CADM1: variants seen among roughly 807,000 people sequenced by gnomAD.
CADM1 encodes the protein TSLC-1.
A neutral mutation model predicts 53.1 loss-of-function variants in CADM1; 15 were observed. The ratio of observed to expected loss-of-function variants is 0.28; its 90% CI spans 0.19 to 0.44. CADM1 has a LOEUF of 0.44. CADM1 is among the 20% of genes least tolerant of loss of function. The pLI is 1.00. For missense variants in CADM1, 434 were observed against 611.3 expected, an observed-to-expected ratio of 0.71 and a Z score of 3.06; for synonymous variants, 281 against 243.0, an observed-to-expected ratio of 1.16 and a Z score of -1.45.
chr11:115,184,435 C>A lies in CADM1; in HGVS notation c.1166-5660G>T, dbSNP rs367818284. 1.0e-3 allele frequency among the ~76,000 whole-genome samples: 153 copies of A among 152,300 alleles called. 5 individuals are homozygous for A. The South Asian group carries it at 0.022, about 22-fold the overall frequency. ...AGATTTGCTTTTCTCAGCACCAATT[C>A]AATTATAGATGCTACAAATCCTTCT... On this transcript the variant is annotated intron_variant, in intron 10 of 11. Coordinates refer to ENST00000331581, the MANE Select transcript of CADM1 (RefSeq NM_001301043.2).
intron 1 of CADM1, among the ~76,000 whole-genome samples, chr11:115,303,366 TATA>T (rs1944283997): frequency 6.6e-6 from 1 of 152,054 alleles, no homozygotes; most frequent in South Asian, 2.1e-4. Flanking sequence ...CCACAGATCA[TATA>T]ATGTGTTGAC....
intron 1 of CADM1, among the ~76,000 whole-genome samples, chr11:115,293,401 C>A (rs936717516): frequency 4.0e-4 from 61 of 152,246 alleles, no homozygotes; most frequent in African/African-American, 1.4e-3. Flanking sequence ...CCACTGCACC[C>A]CAGCCTGGGC....
intron 1 of CADM1, among the ~76,000 whole-genome samples, chr11:115,430,935 G>A (rs1948031442): frequency 6.6e-6 from 1 of 152,152 alleles, no homozygotes; most frequent in Admixed American, 6.5e-5. Context: ...GGCAGCAAAT[G>A]TTTGTTTCCG....
intron 1 of CADM1, among the ~76,000 whole-genome samples, chr11:115,350,012 C>G (rs1945684805): frequency 6.6e-6 from 1 of 152,100 alleles, no homozygotes; most frequent in Admixed American, 6.5e-5. Flanking sequence ...GCTCTTGTGG[C>G]CCAGGCTGGA....
chr11:115,203,741 A>G (rs1211885471), intron 8 of CADM1, among the ~76,000 whole-genome samples: 1 of 152,200 alleles, frequency 6.6e-6, no homozygotes, highest in Non-Finnish European at 1.5e-5. Context: ...TTTAAAAAAT[A>G]TGGGGTCAGG....
chr11:115,230,570 C>G (rs1239260837), intron 4 of CADM1, among the ~76,000 whole-genome samples: 1 of 152,150 alleles, frequency 6.6e-6, no homozygotes, highest in Non-Finnish European at 1.5e-5. Context: ...AAAAAATGGT[C>G]AAATAGGGTA....
chr11:115,402,701 CA>C (rs901594145), intron 1 of CADM1, among the ~76,000 whole-genome samples: 8 of 151,268 alleles, frequency 5.3e-5, no homozygotes, highest in African/African-American at 2.0e-4. Flanking sequence ...AGAGACATAA[CA>C]TTTTTTTTTT....
rs533838676 is a variant in CADM1, at chr11:115,231,468, G to C, written c.447C>G (p.Ile149Met). 6.2e-7 allele frequency: 1 copy of C among 1,613,936 alleles called. No homozygotes were observed. Among genetic ancestry groups the C allele is most frequent in the Admixed American group, 1.7e-5 (1 of 60,018 alleles). The part of the protein sequence containing the change: ...TVLVPPRNLM[I>M]DIQKDTAVEG... ...CCACCGCAGTGTCTTTCTGGATATC[G>C]ATCATCAGATTACGTGGTGGGACTA... The change falls in exon 4 of 12, where the codon ATC becomes ATG. Residue 149 changes from isoleucine (I) to methionine (M), a missense_variant. Physicochemically the swap from Ile to Met is conservative, Grantham distance 10. Coordinates refer to ENST00000331581, the MANE Select transcript of CADM1 (RefSeq NM_001301043.2).
chr11:115,175,666 G>T lies in CADM1; in HGVS notation c.*808C>A, dbSNP rs909070381. ...CCCAAACCTTTCTGGACAGCGTAGG[G>T]TATCTATACTGAGCCGTCTACAGAT... On this transcript the variant is annotated 3_prime_UTR_variant, in exon 12 of 12. Transcript: ENST00000331581. 5 of 986,312 alleles carry T rather than the reference G, an allele frequency of 5.1e-6. No homozygotes were observed. The highest frequency in any genetic ancestry group is 6.1e-5 in the Admixed American group (1 of 16,320). 61.1% of individuals were successfully genotyped at this position (986,312 alleles called of 1,614,324 possible).
At chr11:115,245,720 ATCTT>A (rs779788919) in intron 1 of CADM1, among the ~76,000 whole-genome samples, 15 of 152,336 alleles carry the variant, frequency 9.8e-5, no homozygotes, top group Middle Eastern at 3.4e-3. Context: ...AGAGGGAAAA[ATCTT>A]TCTAACTACG....
At chr11:115,345,778 C>T (rs538403303) in intron 1 of CADM1, among the ~76,000 whole-genome samples, 21 of 152,314 alleles carry the variant, frequency 1.4e-4, no homozygotes, top group South Asian at 4.1e-4. Context: ...CACAGCCTCA[C>T]TGTGCTGCTC....
At chr11:115,311,474 T>C (rs909489686) in intron 1 of CADM1, among the ~76,000 whole-genome samples, 6 of 152,126 alleles carry the variant, frequency 3.9e-5, no homozygotes, top group African/African-American at 1.2e-4. Flanking sequence ...AATGTGAGGA[T>C]AGGAAAATCT....
chr11:115,240,394 C>T lies in CADM1; in HGVS notation c.151G>A (p.Asp51Asn). Reference sequence around the variant, plus strand: ...ACCTCTCCCTCGATCACTGTCACGTCTTTCGTAAACAGATTCTGCCCATCA... The same window carrying T: ...ACCTCTCCCTCGATCACTGTCACGTTTTTCGTAAACAGATTCTGCCCATCA... Reference protein sequence around the residue: ...TGDGQNLFTKDVTVIEGEVAT... With the variant: ...TGDGQNLFTKNVTVIEGEVAT... The change falls in exon 2 of 12, where the codon GAC (aspartate) becomes AAC (asparagine). Residue 51 changes from aspartate to asparagine, a missense_variant. Around this residue, in one of 4 missense-constraint regions of CADM1, gnomAD observed 31 missense variants for 74.6 expected, o/e 0.42. Transcript: ENST00000331581. The T allele has an allele frequency of 1.9e-6, 3 of 1,613,662 alleles. No individual in the cohort carries two copies. Among genetic ancestry groups the T allele is most frequent in the Non-Finnish European group, 2.5e-6 (3 of 1,179,822 alleles).
intron 1 of CADM1, among the ~76,000 whole-genome samples, chr11:115,458,117 G>GTC (rs4019424): frequency 1.3e-3 from 196 of 149,356 alleles, no homozygotes; most frequent in East Asian, 6.9e-3. Flanking sequence ...GGATACTAAA[G>GTC]TCTCTCTCTC....
In CADM1 at chr11:115,176,361, C is replaced by A; in HGVS notation, c.*113G>T. ...ATCCCAAGCCTTCCCAGTCTCACACCTTTCCACCCATTCATAAAAAAACAC... is the reference window on the plus strand; with the variant it reads ...ATCCCAAGCCTTCCCAGTCTCACACATTTCCACCCATTCATAAAAAAACAC... On this transcript the variant is annotated 3_prime_UTR_variant, in exon 12 of 12. Transcript: ENST00000331581. 6.3e-7 allele frequency: 1 copy of A among 1,593,004 alleles called. No individual in the cohort carries two copies.
At chr11:115,393,542 A>T (rs754789394) in intron 1 of CADM1, among the ~76,000 whole-genome samples, 11 of 148,778 alleles carry the variant, frequency 7.4e-5, no homozygotes, top group Non-Finnish European at 1.6e-4. Context: ...AAAAAGAGCA[A>T]ATGTTAACAG....
At chr11:115,411,700 C>T (rs1947464090) in intron 1 of CADM1, among the ~76,000 whole-genome samples, 1 of 151,958 alleles carries the variant, frequency 6.6e-6, no homozygotes, top group Non-Finnish European at 1.5e-5. Context: ...GAGTTTCGCT[C>T]TTGTTGCCCA....
At chr11:115,503,866 G>A (rs1949791009) in intron 1 of CADM1, among the ~76,000 whole-genome samples, 1 of 152,126 alleles carries the variant, frequency 6.6e-6, no homozygotes, top group Non-Finnish European at 1.5e-5. Flanking sequence ...CGAATGGACA[G>A]CCCTGGGAGG....
At chr11:115,484,436 C>G (rs904621387) in intron 1 of CADM1, among the ~76,000 whole-genome samples, 1 of 152,198 alleles carries the variant, frequency 6.6e-6, no homozygotes, top group East Asian at 1.9e-4. Context: ...CATCTATCCT[C>G]CCTCCATGCT....
Sources: gnomAD v4.1 joint callset for allele counts (sites outside exome capture counted in the v4.1 genomes callset) on GRCh38, gnomAD v4.1.1 for gene constraint, gnomAD v4.1.1 regional missense constraint, MANE v1.5 for transcripts, NCBI Gene and HGNC (gene_info 2026-07-23, HGNC 2026-07-21) for gene names.